SEMA3C: variants seen among roughly 807,000 people sequenced by gnomAD.
The protein encoded by SEMA3C is semaphorin 3C.
Under a neutral mutation model 89.4 loss-of-function variants are expected in SEMA3C, and 47 were observed. The observed-to-expected ratio is 0.53, with a 90% confidence interval of 0.42 to 0.67. The LOEUF is 0.67. Ranked by LOEUF, SEMA3C falls within the 30% of genes least tolerant of loss-of-function variation. The probability of loss-of-function intolerance (pLI) is 0.00; values close to 1 mark genes in which losing one functional copy is unlikely to be tolerated. For synonymous variants in SEMA3C, 310 were observed against 320.2 expected (o/e 0.97, Z 0.34); for missense variants, 839 against 929.1 (o/e 0.90, Z 1.26).
intron 2 of SEMA3C, among the ~76,000 whole-genome samples, chr7:80,856,990 TCCTC>T (rs1375690855): frequency 6.6e-6 from 1 of 152,046 alleles, no homozygotes; most frequent in African/African-American, 2.4e-5. Context: ...ATCCTCCCCT[TCCTC>T]CCTTCTTCCT....
intron 2 of SEMA3C, among the ~76,000 whole-genome samples, chr7:80,915,057 C>T (rs1330932307): frequency 6.6e-6 from 1 of 152,126 alleles, no homozygotes; most frequent in African/African-American, 2.4e-5. Context: ...CAGGTAGAGA[C>T]ATCTAATCTA....
At chr7:80,774,979 A>T (rs945809746) in intron 12 of SEMA3C, among the ~76,000 whole-genome samples, 1 of 152,110 alleles carries the variant, frequency 6.6e-6, no homozygotes, top group South Asian at 2.1e-4. Flanking sequence ...GAAAAAATAC[A>T]TTGTCATGGG....
chr7:80,820,052 T>TC (rs942647544), intron 4 of SEMA3C, among the ~76,000 whole-genome samples: 1 of 137,912 alleles, frequency 7.3e-6, no homozygotes, highest in African/African-American at 2.7e-5. Context: ...CCATGTATGC[T>TC]CCTTTTTTTT....
intron 2 of SEMA3C, among the ~76,000 whole-genome samples, chr7:80,901,680 A>G (rs554604632): frequency 6.6e-5 from 10 of 152,298 alleles, no homozygotes; most frequent in Admixed American, 1.3e-4. Flanking sequence ...AAAATACACA[A>G]TGTCCTAGAA....
intron 2 of SEMA3C, among the ~76,000 whole-genome samples, chr7:80,840,587 T>G (rs1285365997): frequency 2.1e-5 from 3 of 145,380 alleles, no homozygotes; most frequent in Non-Finnish European, 4.5e-5. Flanking sequence ...AGGAGCTAGG[T>G]AAAAATATGC....
chr7:80,860,557 G>C (rs1397469728), intron 2 of SEMA3C, among the ~76,000 whole-genome samples: 1 of 152,144 alleles, frequency 6.6e-6, no homozygotes, highest in Non-Finnish European at 1.5e-5. Context: ...GTATTACAGA[G>C]ACATTATCCT....
At chr7:80,900,239 G>C (rs187491194) in intron 2 of SEMA3C, among the ~76,000 whole-genome samples, 1 of 151,676 alleles carries the variant, frequency 6.6e-6, no homozygotes, top group Non-Finnish European at 1.5e-5. Flanking sequence ...TCAGCCTCCC[G>C]GGTAGCTGGG....
At chr7:80,872,124 A>C (rs1791072772) in intron 2 of SEMA3C, among the ~76,000 whole-genome samples, 1 of 152,004 alleles carries the variant, frequency 6.6e-6, no homozygotes. Context: ...AAGAGTGGCA[A>C]TATTTTACGT....
At chr7:80,831,175 G>T (rs1268344300) in intron 2 of SEMA3C, among the ~76,000 whole-genome samples, 2 of 152,198 alleles carry the variant, frequency 1.3e-5, no homozygotes, top group Non-Finnish European at 2.9e-5. Flanking sequence ...GACTAGCGCA[G>T]TAAAATATAA....
At chr7:80,799,951 A>G (rs1336899216) in intron 10 of SEMA3C, among the ~76,000 whole-genome samples, 1 of 151,846 alleles carries the variant, frequency 6.6e-6, no homozygotes, top group African/African-American at 2.4e-5. Flanking sequence ...GGAGATCAAG[A>G]CCATCCTGCC....
chr7:80,764,715 AAAC>A (rs1447068397), intron 13 of SEMA3C, among the ~76,000 whole-genome samples: 1 of 152,220 alleles, frequency 6.6e-6, no homozygotes, highest in African/African-American at 2.4e-5. Flanking sequence ...AAATAAGAGA[AAAC>A]AAAGTCGTTT....
intron 12 of SEMA3C, among the ~76,000 whole-genome samples, chr7:80,787,918 AAGGATGCCAACCT>A (rs1272242341): frequency 2.0e-5 from 3 of 152,180 alleles, no homozygotes; most frequent in African/African-American, 7.2e-5. Context: ...ACCCGTGGGA[AAGGATGCCAACCT>A]AGGATGCCAA....
At position 80,916,824 on chromosome 7, in the gene SEMA3C, A is replaced by AAG. The variant is rs1477639358; in HGVS notation, c.-38-7_-38-6dup. 6.2e-7 allele frequency: 1 copy of AAG among 1,608,714 alleles called. No homozygotes were observed. The highest frequency in any genetic ancestry group is 8.5e-7 in the Non-Finnish European group (1 of 1,177,982). On this transcript the variant is annotated splice_region_variant and splice_polypyrimidine_tract_variant and intron_variant, in intron 1 of 17. Transcript: ENST00000265361. ...TTAATATCCAAGGGAAAATACCTTT[A>AAG]AGAGAGAGACAACATGTTTGTTATA...
Position 80,793,919 on chromosome 7 carries a change from T to C in SEMA3C, c.1131+4173A>G, listed in dbSNP as rs770752022. Among the ~76,000 whole-genome samples, 4 of 151,196 alleles carry C rather than the reference T, an allele frequency of 2.6e-5. No homozygotes were observed. The South Asian group carries it at 6.3e-4, about 24-fold the overall frequency. On this transcript the variant is annotated intron_variant, in intron 11 of 17. Transcript: ENST00000265361. Reference sequence around the variant, plus strand: ...TAAATAAAGGGTCTTGGTGGCACTCTAGAATCTATGCTTATTTCTAGTACT... The same window carrying C: ...TAAATAAAGGGTCTTGGTGGCACTCCAGAATCTATGCTTATTTCTAGTACT...
intron 8 of SEMA3C, 101 bp downstream of exon 8, chr7:80,804,005 A>G (rs1001705559): frequency 2.9e-6 from 3 of 1,046,398 alleles, no homozygotes; most frequent in Non-Finnish European, 4.1e-6. Context: ...GCTTCCCTCA[A>G]TATTTTATTT....
At chr7:80,895,245 G>A (rs540856814) in intron 2 of SEMA3C, among the ~76,000 whole-genome samples, 18 of 152,308 alleles carry the variant, frequency 1.2e-4, no homozygotes, top group African/African-American at 4.1e-4. Flanking sequence ...AGGAGTATGT[G>A]TGTGGTGAGC....
chr7:80,836,069 T>C (rs1790118240), intron 2 of SEMA3C, among the ~76,000 whole-genome samples: 1 of 152,132 alleles, frequency 6.6e-6, no homozygotes, highest in South Asian at 2.1e-4. Context: ...TCAAATGTAG[T>C]ATAAGAAATG....
chr7:80,886,355 C>CT (rs71893387), intron 2 of SEMA3C, among the ~76,000 whole-genome samples: 2,724 of 141,084 alleles, frequency 0.019, 74 homozygotes, highest in East Asian at 0.13. Flanking sequence ...GGAAATTAAA[C>CT]TTTTTTTTTT....
chr7:80,834,237 C>T (rs1790075090), intron 2 of SEMA3C, among the ~76,000 whole-genome samples: 1 of 152,118 alleles, frequency 6.6e-6, no homozygotes, highest in African/African-American at 2.4e-5. Context: ...CTACAATCTA[C>T]ATTATTGTAG....
Sources: gnomAD v4.1 joint callset for allele counts (sites outside exome capture counted in the v4.1 genomes callset) on GRCh38, gnomAD v4.1.1 for gene constraint, MANE v1.5 for transcripts, NCBI Gene and HGNC (gene_info 2026-07-23, HGNC 2026-07-21) for gene names.